The following GULP1 variants were observed in gnomAD, a reference collection of about 807,000 sequenced individuals.
GULP1 encodes PTB domain-containing engulfment adapter protein 1.
Under a neutral mutation model 40.9 loss-of-function variants are expected in GULP1, and 19 were observed. The observed-to-expected ratio is 0.46, with a 90% confidence interval of 0.32 to 0.68. The LOEUF is 0.68. GULP1 is among the 30% of genes least tolerant of loss of function. The pLI is 0.03. For synonymous variants in GULP1, 119 were observed against 117.6 expected (o/e 1.01, Z -0.08); for missense variants, 312 against 362.2 (o/e 0.86, Z 1.12).
chr2:188,395,085 C>G (rs1432017379), intron 2 of GULP1, among the ~76,000 whole-genome samples: 2 of 152,084 alleles, frequency 1.3e-5, no homozygotes, highest in Non-Finnish European at 2.9e-5. Flanking sequence ...AATGCAATAT[C>G]CAGTAGTGGA....
chr2:188,334,880 C>T (rs1458852211), intron 1 of GULP1, among the ~76,000 whole-genome samples: 2 of 152,200 alleles, frequency 1.3e-5, no homozygotes, highest in South Asian at 4.1e-4. Context: ...GAATCTGCTA[C>T]AAGTTGTGAT....
rs146045230 is a variant in GULP1 at position 188,572,975 on chromosome 2, A to G, written c.609+2855A>G. Among the ~76,000 whole-genome samples the G allele has an allele frequency of 2.4e-3, 358 of 152,332 alleles. 1 individual carries two copies. Among genetic ancestry groups the G allele is most frequent in the Admixed American group, 6.7e-3 (103 of 15,292 alleles). The stretch of plus-strand genomic sequence containing the variant: ...ATTATAGTTAATAACAAGGTATTAT[A>G]TACTTGAAAATTGCCAAGAGTAGTT... On this transcript the variant is annotated intron_variant, in intron 9 of 11. Transcript: ENST00000409830.
intron 2 of GULP1, among the ~76,000 whole-genome samples, chr2:188,460,274 C>G (rs3903251): frequency 0.016 from 2,474 of 152,094 alleles, 38 homozygotes; most frequent in Non-Finnish European, 0.025. Flanking sequence ...TTCCAACCCA[C>G]GAACATGGAA....
chr2:188,548,827 GGTTTT>G lies in GULP1; in HGVS notation c.399+7540_399+7544del, dbSNP rs146982832. Among the ~76,000 whole-genome samples, 655 of 149,570 alleles carry G rather than the reference GGTTTT, an allele frequency of 4.4e-3. 4 individuals are homozygous for G. The highest frequency in any genetic ancestry group is 0.012 in the African/African-American group (472 of 40,742). On this transcript the variant is annotated intron_variant, in intron 7 of 11. Coordinates refer to ENST00000409830, the MANE Select transcript of GULP1 (RefSeq NM_016315.4). ...AAAAGCAGTGCAATAGGGGAAAGAA[GGTTTT>G]GTTTTGTTTTGTTTTGTTTTGTTTT...
Position 188,414,232 on chromosome 2 carries a change from A to G in GULP1, c.-45+30343A>G, listed in dbSNP as rs6733212. On this transcript the variant is annotated intron_variant, in intron 2 of 11. Transcript: ENST00000409830. ...ACTCCATCTCAAAAAAAAAAAAAAA[A>G]AAAAGAAAAAGAAGAGAAATGGTTC... 7.4e-3 allele frequency among the ~76,000 whole-genome samples: 1,101 copies of G among 148,130 alleles called. 20 individuals are homozygous for G. Among genetic ancestry groups the G allele is most frequent in the African/African-American group, 0.024 (960 of 40,144 alleles).
In GULP1 at chr2:188,353,980, A is replaced by G. The variant is rs142032305; in HGVS notation, c.-171-29783A>G. Among the ~76,000 whole-genome samples, 955 of 152,036 alleles carry G rather than the reference A, an allele frequency of 6.3e-3. 23 individuals are homozygous for G. Among genetic ancestry groups the G allele is most frequent in the East Asian group, 1.4e-3 (7 of 5,132 alleles). ...GAAACAGTGCAGTGGATGAACTGAG[A>G]CACCCTATCCTACAGGACAAGCAGT... On this transcript the variant is annotated intron_variant, in intron 1 of 11. Transcript: ENST00000409830.
intron 1 of GULP1, among the ~76,000 whole-genome samples, chr2:188,352,582 T>G (rs2044605027): frequency 6.7e-6 from 1 of 150,260 alleles, no homozygotes; most frequent in Admixed American, 6.8e-5. Context: ...TTTTGCTCAT[T>G]CACTTGTTCT....
intron 9 of GULP1, among the ~76,000 whole-genome samples, chr2:188,574,243 T>A (rs1346177901): frequency 3.3e-5 from 5 of 152,106 alleles, no homozygotes; most frequent in Non-Finnish European, 7.4e-5. Context: ...ATAATGTAAA[T>A]CACTATTATA....
chr2:188,557,774 C>T (rs1319409275), intron 7 of GULP1, among the ~76,000 whole-genome samples: 1 of 152,206 alleles, frequency 6.6e-6, no homozygotes, highest in East Asian at 1.9e-4. Context: ...TGCAGCAAGG[C>T]TCGCTTCTTA....
intron 2 of GULP1, among the ~76,000 whole-genome samples, chr2:188,427,655 C>T (rs2152803276): frequency 6.6e-6 from 1 of 152,344 alleles, no homozygotes; most frequent in African/African-American, 2.4e-5. Context: ...CAGGTATATA[C>T]AGTCTTAAGA....
chr2:188,527,774 A>G lies in GULP1; in HGVS notation c.163-1323A>G, dbSNP rs188025297. Among the ~76,000 whole-genome samples, 9 of 152,290 alleles carry G rather than the reference A, an allele frequency of 5.9e-5. No homozygotes were observed. In the East Asian group the frequency reaches 1.2e-3, roughly 20 times the overall value. On this transcript the variant is annotated intron_variant, in intron 5 of 11. Coordinates refer to ENST00000409830, the MANE Select transcript of GULP1 (RefSeq NM_016315.4). ...AGGCATTCATATATGCATTAATTAT[A>G]TTATTATGTGTGGCAGTGCAAAGCC... is the stretch of plus-strand genomic sequence containing the variant.
chr2:188,422,212 A>AT (rs913431937), intron 2 of GULP1, among the ~76,000 whole-genome samples: 2 of 150,922 alleles, frequency 1.3e-5, no homozygotes, highest in African/African-American at 4.9e-5. Context: ...AATTCTCCTA[A>AT]TTTTTTTCAG....
At chr2:188,389,865 G>A (rs778009298) in intron 2 of GULP1, among the ~76,000 whole-genome samples, 1 of 151,968 alleles carries the variant, frequency 6.6e-6, no homozygotes, top group Non-Finnish European at 1.5e-5. Context: ...GCGAGAACAT[G>A]TGGGATTTGT....
intron 1 of GULP1, among the ~76,000 whole-genome samples, chr2:188,329,264 C>A (rs1363728642): frequency 6.6e-6 from 1 of 151,976 alleles, no homozygotes; most frequent in African/African-American, 2.4e-5. Flanking sequence ...TTTATTACAT[C>A]CCTCTTGTAC....
chr2:188,561,259 A>C (rs538010546), intron 7 of GULP1, among the ~76,000 whole-genome samples: 2 of 152,168 alleles, frequency 1.3e-5, no homozygotes, highest in Non-Finnish European at 2.9e-5. Flanking sequence ...TTGGGCTTCT[A>C]GTTGGCTTGC....
chr2:188,388,866 T>C (rs961566025), intron 2 of GULP1, among the ~76,000 whole-genome samples: 1 of 152,192 alleles, frequency 6.6e-6, no homozygotes, highest in African/African-American at 2.4e-5. Context: ...GTAATAATTA[T>C]GTTGGCATGC....
chr2:188,331,766 G>T (rs2152056314), intron 1 of GULP1, among the ~76,000 whole-genome samples: 1 of 152,094 alleles, frequency 6.6e-6, no homozygotes, highest in Non-Finnish European at 1.5e-5. Flanking sequence ...TTGGGAAAAT[G>T]GACAAATTAT....
At chr2:188,498,916 C>T (rs767350883) in intron 4 of GULP1, among the ~76,000 whole-genome samples, 23 of 151,122 alleles carry the variant, frequency 1.5e-4, no homozygotes, top group Admixed American at 1.1e-3. Flanking sequence ...TCTGGCTTTA[C>T]GTGGAGAAGG....
At chr2:188,302,987 C>G (rs2036410343) in intron 1 of GULP1, among the ~76,000 whole-genome samples, 1 of 152,132 alleles carries the variant, frequency 6.6e-6, no homozygotes, top group Non-Finnish European at 1.5e-5. Context: ...CTGCAAAAAC[C>G]CCATTGCAAT....
Sources: allele counts gnomAD v4.1 joint callset (sites outside exome capture counted in the v4.1 genomes callset), GRCh38; gene constraint gnomAD v4.1.1; transcripts MANE v1.5; gene names NCBI Gene and HGNC (gene_info 2026-07-23, HGNC 2026-07-21).